EML1: variants seen among roughly 807,000 people sequenced by gnomAD.
EML1 encodes echinoderm microtubule-associated protein-like 1.
Under a neutral mutation model 110.4 loss-of-function variants are expected in EML1, and 27 were observed. The ratio of observed to expected loss-of-function variants is 0.24; its 90% CI spans 0.18 to 0.34. The LOEUF (loss-of-function observed/expected upper bound fraction) is 0.34. Ranked by LOEUF, EML1 falls within the 10% of genes least tolerant of loss-of-function variation. EML1 has a pLI of 1.00. For synonymous variants in EML1, 344 were observed against 385.8 expected (o/e 0.89, Z 1.27); for missense variants, 741 against 1,030.9 (o/e 0.72, Z 3.85).
chr14:99,750,005 G>A (rs1403433537), intron 1 of EML1, among the ~76,000 whole-genome samples: 1 of 152,220 alleles, frequency 6.6e-6, no homozygotes, highest in African/African-American at 2.4e-5. Context: ...AAGGCAGCCA[G>A]GAGTGTCCTC....
intron 1 of EML1, among the ~76,000 whole-genome samples, chr14:99,841,419 A>G (rs187626068): frequency 6.6e-6 from 1 of 152,320 alleles, no homozygotes; most frequent in East Asian, 1.9e-4. Flanking sequence ...ACACGCTAAC[A>G]TTCATCTTCA....
intron 3 of EML1, among the ~76,000 whole-genome samples, chr14:99,876,644 G>A (rs894128749): frequency 2.6e-5 from 4 of 152,082 alleles, no homozygotes; most frequent in South Asian, 2.1e-4. Context: ...GAGCTGTCTC[G>A]CGTGTTGCAG....
chr14:99,776,368 G>A (rs2057482545), intron 1 of EML1, among the ~76,000 whole-genome samples: 2 of 152,240 alleles, frequency 1.3e-5, no homozygotes, highest in Admixed American at 1.3e-4. Context: ...GCAGGGTGTG[G>A]TGGTGGGCAC....
chr14:99,804,081 T>C (rs1007846252), intron 1 of EML1, among the ~76,000 whole-genome samples: 1 of 152,224 alleles, frequency 6.6e-6, no homozygotes, highest in Non-Finnish European at 1.5e-5. Context: ...TTAAGCAGGA[T>C]TGCCCACACT....
upstream of EML1, among the ~76,000 whole-genome samples, chr14:99,791,047 A>T (rs2057664692): frequency 6.6e-6 from 1 of 151,838 alleles, no homozygotes; most frequent in South Asian, 2.1e-4. Context: ...TTTTTGGTAG[A>T]GACGGGGTTT....
rs192594330 is a variant in EML1 at position 99,920,099 on chromosome 14, T to G, written c.1821-690T>G. ...TAACACTCATTTAGTGGGTACTGTG[T>G]GCTTATCAGAGGATACAAAGCACTT... On this transcript the variant is annotated intron_variant, in intron 16 of 21. Transcript: ENST00000262233. 8.5e-5 allele frequency among the ~76,000 whole-genome samples: 13 copies of G among 152,306 alleles called. No homozygotes were observed. In the East Asian group the frequency reaches 2.3e-3, roughly 27 times the overall value.
upstream of EML1, among the ~76,000 whole-genome samples, chr14:99,769,254 C>G (rs562262031): frequency 6.6e-6 from 1 of 152,182 alleles, no homozygotes; most frequent in African/African-American, 2.4e-5. Context: ...AGCCCACCAG[C>G]GGTTTTGCAG....
intron 1 of EML1, among the ~76,000 whole-genome samples, chr14:99,744,110 A>G (rs539459664): frequency 6.6e-6 from 1 of 152,350 alleles, no homozygotes; most frequent in African/African-American, 2.4e-5. Context: ...GCCTTCATCA[A>G]AACAGCCTCT....
intron 2 of EML1, among the ~76,000 whole-genome samples, chr14:99,857,457 C>A (rs895264564): frequency 6.6e-6 from 1 of 152,180 alleles, no homozygotes; most frequent in African/African-American, 2.4e-5. Flanking sequence ...ATAAAACTGA[C>A]CCTTTTAAAA....
chr14:99,838,812 A>G (rs1395133811), intron 1 of EML1, among the ~76,000 whole-genome samples: 2 of 152,142 alleles, frequency 1.3e-5, no homozygotes, highest in African/African-American at 4.8e-5. Flanking sequence ...TTAAAACTGT[A>G]AAGTGGAGTG....
rs538386302 is a variant in EML1 at position 99,763,172 on chromosome 14, G to A, written c.28+25312G>A. On this transcript the variant is annotated intron_variant, in intron 1 of 10. Transcript: ENST00000554479. ...TGTGACTTGCTCCTCCTTGCCTTCT[G>A]CCATGATTGTGAGGCCTCCCCAGCC... Among the ~76,000 whole-genome samples the A allele has an allele frequency of 3.3e-5, 5 of 152,282 alleles. No individual in the cohort carries two copies. The East Asian group carries it at 9.6e-4, about 29-fold the overall frequency.
At chr14:99,875,451 G>A (rs550353814) in intron 3 of EML1, among the ~76,000 whole-genome samples, 4 of 152,272 alleles carry the variant, frequency 2.6e-5, no homozygotes, top group South Asian at 2.1e-4. Context: ...TGGCACCCCC[G>A]TGAACTCTTC....
At chr14:99,885,018 C>T (rs1379869993) in intron 4 of EML1, among the ~76,000 whole-genome samples, 1 of 152,238 alleles carries the variant, frequency 6.6e-6, no homozygotes, top group Non-Finnish European at 1.5e-5. Context: ...CTCTGTAGCT[C>T]TCCTCCCTTC....
intron 1 of EML1, among the ~76,000 whole-genome samples, chr14:99,738,809 T>G (rs891388597): frequency 3.3e-5 from 5 of 152,148 alleles, no homozygotes; most frequent in East Asian, 1.9e-4. Context: ...CAGATGGGCA[T>G]CCCAGGCAGC....
chr14:99,778,021 T>C (rs1170419588), intron 1 of EML1, among the ~76,000 whole-genome samples: 1 of 152,136 alleles, frequency 6.6e-6, no homozygotes, highest in Non-Finnish European at 1.5e-5. Context: ...CTCGAACTCC[T>C]GGACTCAACT....
At chr14:99,851,598 C>T (rs573117964) in intron 2 of EML1, among the ~76,000 whole-genome samples, 5 of 152,292 alleles carry the variant, frequency 3.3e-5, no homozygotes, top group Admixed American at 6.5e-5. Context: ...TGAGCCACTG[C>T]GCCCGGCCGA....
At chr14:99,841,637 C>T (rs1361589113) in intron 1 of EML1, among the ~76,000 whole-genome samples, 2 of 152,164 alleles carry the variant, frequency 1.3e-5, no homozygotes, top group Non-Finnish European at 2.9e-5. Flanking sequence ...AAAGTTGGAA[C>T]GTGTAGCCCT....
chr14:99,821,860 C>T (rs1207550140), intron 1 of EML1, among the ~76,000 whole-genome samples: 2 of 152,200 alleles, frequency 1.3e-5, no homozygotes, highest in Non-Finnish European at 2.9e-5. Flanking sequence ...TAATGTACTT[C>T]TGTGGCTAAC....
chr14:99,936,400 G>T lies in EML1; in HGVS notation c.2095+66G>T. ...AAAGCGTTCACTCTGAGATCCAGGGGGCCTCTGTGAGAACCCACCTCCTGT... is the reference window on the plus strand; with the variant it reads ...AAAGCGTTCACTCTGAGATCCAGGGTGCCTCTGTGAGAACCCACCTCCTGT... On this transcript the variant is annotated intron_variant, in intron 19 of 21. Coordinates refer to ENST00000262233, the MANE Select transcript of EML1 (RefSeq NM_004434.3). This position sits in a 1 kb window ranked among gnomAD's most constrained non-coding sequence, Gnocchi z 5.5. The T allele has an allele frequency of 6.7e-7, 1 of 1,487,566 alleles. No individual in the cohort carries two copies. The highest frequency in any genetic ancestry group is 1.2e-5 in the South Asian group (1 of 85,994). 92.1% of individuals were successfully genotyped at this position (1,487,566 alleles called of 1,614,324 possible).
Sources: gnomAD v4.1 joint callset for allele counts (sites outside exome capture counted in the v4.1 genomes callset) on GRCh38, gnomAD v4.1.1 for gene constraint, Gnocchi (gnomAD v3.1) non-coding constraint, MANE v1.5 for transcripts, NCBI Gene and HGNC (gene_info 2026-07-23, HGNC 2026-07-21) for gene names.